The following HMGCLL1 variants were observed in gnomAD, a reference collection of about 807,000 sequenced individuals.
HMGCLL1 encodes 3-hydroxy-3-methylglutaryl-CoA lyase like 1, also known as 3-hydroxymethyl-3-methylglutaryl-CoA lyase, cytoplasmic.
In HMGCLL1, 36 loss-of-function variants were observed where a neutral mutation model predicts 39.1. That is an observed-to-expected ratio of 0.92 (90% CI 0.71 to 1.22). The LOEUF (loss-of-function observed/expected upper bound fraction) is 1.22. Ranked by LOEUF, HMGCLL1 falls within the 50% of genes most tolerant of loss-of-function variation. HMGCLL1 has a pLI of 0.00. For synonymous variants in HMGCLL1, 149 were observed against 144.0 expected (o/e 1.03, Z -0.25); for missense variants, 451 against 416.5 (o/e 1.08, Z -0.72).
rs150076863 is a variant in HMGCLL1 at position 55,489,294 on chromosome 6, T to A, written c.795+6125A>T. Among the ~76,000 whole-genome samples the A allele has an allele frequency of 6.0e-3, 917 of 152,156 alleles. 9 individuals are homozygous for A. The highest frequency in any genetic ancestry group is 0.02 in the African/African-American group (826 of 41,536). ...TATGTGTTAAGAAGTATGCAACAAG[T>A]ATTTGGTTAAAAACAAGATATTGAA... On this transcript the variant is annotated intron_variant, in intron 7 of 8. Coordinates refer to ENST00000274901, the MANE Select transcript of HMGCLL1 (RefSeq NM_001042406.2).
the HMGCLL1 span, among the ~76,000 whole-genome samples, chr6:55,621,579 A>G: frequency 6.6e-6 from 1 of 151,080 alleles, no homozygotes. Context: ...ATGCCTGATG[A>G]TCTGTCATTG....
chr6:55,591,280 T>TAACATCATAAGTACTATCCAGGAG, the HMGCLL1 span, among the ~76,000 whole-genome samples: 5 of 151,912 alleles, frequency 3.3e-5, no homozygotes, highest in African/African-American at 1.2e-4. Context: ...TCAGTCCTGA[T>TAACATCATAAGTACTATCCAGGAG]AACATCATAA....
the HMGCLL1 span, among the ~76,000 whole-genome samples, chr6:55,606,729 G>T: frequency 1.3e-5 from 2 of 152,018 alleles, no homozygotes; most frequent in African/African-American, 4.8e-5. Flanking sequence ...CAAAACCTGT[G>T]AATATGTTAT....
chr6:55,453,867 A>G (rs986473752), intron 7 of HMGCLL1, among the ~76,000 whole-genome samples: 8 of 152,330 alleles, frequency 5.3e-5, no homozygotes, highest in South Asian at 4.1e-4. Context: ...CCATTAACAA[A>G]GCACTGAGAT....
At chr6:55,664,699 T>A in the HMGCLL1 span, among the ~76,000 whole-genome samples, 1 of 151,734 alleles carries the variant, frequency 6.6e-6, no homozygotes, top group African/African-American at 2.4e-5. Flanking sequence ...CTGAATGCCT[T>A]TGGCTCAAGG....
the HMGCLL1 span, among the ~76,000 whole-genome samples, chr6:55,627,090 G>A: frequency 3.3e-5 from 5 of 149,920 alleles, no homozygotes; most frequent in South Asian, 8.4e-4. Context: ...CCACTGAGGT[G>A]CTTGCTGAAG....
At chr6:55,591,432 C>A in the HMGCLL1 span, among the ~76,000 whole-genome samples, 2 of 151,928 alleles carry the variant, frequency 1.3e-5, no homozygotes, top group Non-Finnish European at 2.9e-5. Context: ...TCTTGATAAT[C>A]ATGCCTGGTG....
At chr6:55,553,578 G>T (rs1474090137) in intron 1 of HMGCLL1, among the ~76,000 whole-genome samples, 1 of 152,092 alleles carries the variant, frequency 6.6e-6, no homozygotes, top group Non-Finnish European at 1.5e-5. Flanking sequence ...TCTGTTAAAA[G>T]TGGGAATAAT....
At chr6:55,539,716 G>C (rs189258566) in intron 3 of HMGCLL1, among the ~76,000 whole-genome samples, 64 of 151,426 alleles carry the variant, frequency 4.2e-4, no homozygotes, top group Admixed American at 8.6e-4. Context: ...TTGAGGGGGG[G>C]AGGAGGAGAG....
chr6:55,513,438 C>T (rs1767567788), intron 5 of HMGCLL1: 1 of 152,010 alleles, frequency 6.6e-6, no homozygotes, highest in South Asian at 2.1e-4. Flanking sequence ...TAGTAGAGAA[C>T]TGAAAGTTTA....
intron 7 of HMGCLL1, among the ~76,000 whole-genome samples, chr6:55,454,254 G>A (rs1417619968): frequency 6.6e-6 from 1 of 152,096 alleles, no homozygotes; most frequent in Non-Finnish European, 1.5e-5. Context: ...CCCATATGCT[G>A]AGTACCAGGG....
chr6:55,546,169 C>T (rs1414218375), intron 1 of HMGCLL1, among the ~76,000 whole-genome samples: 4 of 152,110 alleles, frequency 2.6e-5, no homozygotes, highest in African/African-American at 9.7e-5. Flanking sequence ...TTCCTCAATA[C>T]TATTATTAAC....
rs183867178 is a variant in HMGCLL1 at position 55,451,490 on chromosome 6, G to A, written c.796-11931C>T. On this transcript the variant is annotated intron_variant, in intron 7 of 8. Transcript: ENST00000274901. Reference sequence around the variant, plus strand: ...ATACAAAAATTAGCCGGGCACGGTGGTGTATGCTGAGATCGCGCCATTGCA... The same window carrying A: ...ATACAAAAATTAGCCGGGCACGGTGATGTATGCTGAGATCGCGCCATTGCA... Among the ~76,000 whole-genome samples the A allele has an allele frequency of 1.1e-3, 169 of 152,190 alleles. 2 individuals carry two copies. Among genetic ancestry groups the A allele is most frequent in the Non-Finnish European group, 1.8e-3 (124 of 67,992 alleles).
intron 3 of HMGCLL1, among the ~76,000 whole-genome samples, chr6:55,534,375 C>T (rs952157134): frequency 3.9e-5 from 6 of 152,070 alleles, no homozygotes; most frequent in Admixed American, 6.5e-5. Context: ...TTTTGAAACT[C>T]GGTGGGCTTT....
In HMGCLL1 at chr6:55,435,561, CCATTACTTCA is replaced by C; in HGVS notation, c.*91_*100del. 1 of 555,368 alleles carries C rather than the reference CCATTACTTCA, an allele frequency of 1.8e-6. No individual in the cohort carries two copies. Among genetic ancestry groups the C allele is most frequent in the Admixed American group, 2.8e-5 (1 of 35,266 alleles). The allele number at this position is 555,368 out of a possible 1,614,324, so 34.4% of individuals were successfully genotyped here. ...AGGATCTCTTTTTTCCCACTCTTGTCCATTACTTCACATATCAGAGCAAGTTGGCATTAAT... is the reference window on the plus strand; with the variant it reads ...AGGATCTCTTTTTTCCCACTCTTGTCCATATCAGAGCAAGTTGGCATTAAT... On this transcript the variant is annotated 3_prime_UTR_variant, in exon 9 of 9. Transcript: ENST00000274901.
At chr6:55,529,845 T>G (rs1266348249) in intron 3 of HMGCLL1, among the ~76,000 whole-genome samples, 1 of 152,120 alleles carries the variant, frequency 6.6e-6, no homozygotes, top group Non-Finnish European at 1.5e-5. Context: ...AACAGAGAAC[T>G]CAATACAGTT....
chr6:55,654,847 C>G, the HMGCLL1 span, among the ~76,000 whole-genome samples: 4 of 151,858 alleles, frequency 2.6e-5, no homozygotes, highest in South Asian at 8.3e-4. Context: ...TCACCTTAGA[C>G]TCTGTAGTTA....
At chr6:55,463,442 AT>A (rs1764671783) in intron 7 of HMGCLL1, among the ~76,000 whole-genome samples, 1 of 152,140 alleles carries the variant, frequency 6.6e-6, no homozygotes, top group Non-Finnish European at 1.5e-5. Context: ...ATATTTCATG[AT>A]TTAAGTTATT....
At chr6:55,531,865 G>A (rs1442791085) in intron 3 of HMGCLL1, among the ~76,000 whole-genome samples, 7 of 152,108 alleles carry the variant, frequency 4.6e-5, no homozygotes, top group Non-Finnish European at 2.9e-5. Flanking sequence ...ATCCCCATAT[G>A]GGACTGTCTA....
Sources: allele counts gnomAD v4.1 joint callset (sites outside exome capture counted in the v4.1 genomes callset), GRCh38; gene constraint gnomAD v4.1.1; transcripts MANE v1.5; gene names NCBI Gene and HGNC (gene_info 2026-07-23, HGNC 2026-07-21).